Variants in NIBAN2 observed in about 807,000 individuals in gnomAD.
NIBAN2 encodes the protein niban apoptosis regulator 2.
A neutral mutation model predicts 81.8 loss-of-function variants in NIBAN2; 36 were observed. That is an observed-to-expected ratio of 0.44 (90% CI 0.34 to 0.58). The LOEUF (loss-of-function observed/expected upper bound fraction) is 0.58, where lower values mean the gene tolerates loss of function less well. NIBAN2 is among the 20% of genes least tolerant of loss of function. The pLI is 0.02. For synonymous variants in NIBAN2, 445 were observed against 441.6 expected (o/e 1.01, Z -0.10); for missense variants, 897 against 1,014.1 (o/e 0.88, Z 1.57).
At chr9:127,531,808 G>A (rs767262440) in intron 1 of NIBAN2, 30 bp from the exon 2 acceptor site, 1 of 1,613,590 alleles carries the variant, frequency 6.2e-7, no homozygotes, top group South Asian at 1.1e-5. Flanking sequence ...AGGAGCTTGA[G>A]GTCCTCAGGG....
intron 1 of NIBAN2, among the ~76,000 whole-genome samples, chr9:127,537,268 C>A (rs1423630237): frequency 6.6e-6 from 1 of 152,202 alleles, no homozygotes; most frequent in Non-Finnish European, 1.5e-5. Flanking sequence ...CGAAGCTGTT[C>A]CCGAGCTCTG....
chr9:127,578,964 A>G lies in NIBAN2; in HGVS notation c.-27T>C, dbSNP rs751729543. 6 of 1,606,668 alleles carry G rather than the reference A, an allele frequency of 3.7e-6. No individual in the cohort carries two copies. In the Admixed American group the frequency reaches 8.4e-5, roughly 23 times the overall value. On this transcript the variant is annotated 5_prime_UTR_variant, in exon 1 of 14. Coordinates refer to the NIBAN2 transcript ENST00000373314. Reference sequence around the variant, plus strand: ...CTCCAGAGTGAGAGCCCCAAAAGGAAGGGACCGGAACTGGCCCAGTTCCTG... The same window carrying G: ...CTCCAGAGTGAGAGCCCCAAAAGGAGGGGACCGGAACTGGCCCAGTTCCTG...
Position 127,544,784 on chromosome 9 carries a change from A to G in NIBAN2, c.56-13006T>C, listed in dbSNP as rs533202000. On this transcript the variant is annotated intron_variant, in intron 1 of 13. Coordinates refer to ENST00000373312, the MANE Select transcript of NIBAN2 (RefSeq NM_022833.4). ...CTCCCGAAGTGCTAGGATTACAGGCATGAGCCACCGCACCCGGCCATGGCT... is the reference window on the plus strand; with the variant it reads ...CTCCCGAAGTGCTAGGATTACAGGCGTGAGCCACCGCACCCGGCCATGGCT... Among the ~76,000 whole-genome samples the G allele has an allele frequency of 4.6e-5, 7 of 152,290 alleles. No individual in the cohort carries two copies. The South Asian group carries it at 1.5e-3, about 32-fold the overall frequency.
chr9:127,565,973 C>T (rs1429480836), intron 1 of NIBAN2, among the ~76,000 whole-genome samples: 6 of 150,576 alleles, frequency 4.0e-5, no homozygotes, highest in African/African-American at 1.5e-4. Context: ...CACACACACA[C>T]ACACACAAAT....
chr9:127,555,152 T>C (rs1004639389), intron 1 of NIBAN2, among the ~76,000 whole-genome samples: 20 of 152,198 alleles, frequency 1.3e-4, no homozygotes, highest in African/African-American at 4.1e-4. Flanking sequence ...TGTTAATACA[T>C]TGTTTCCATT....
At position 127,507,818 on chromosome 9, in the gene NIBAN2, G is replaced by T; in HGVS notation, c.1654+49C>A. Reference sequence around the variant, plus strand: ...TCAGCTGCCACCACTTCTCAGCTGCGCCCCCAGCATCCTCCTGGCAACAGT... The same window carrying T: ...TCAGCTGCCACCACTTCTCAGCTGCTCCCCCAGCATCCTCCTGGCAACAGT... On this transcript the variant is annotated intron_variant, in intron 13 of 13. Transcript: ENST00000373312. The surrounding 1 kb of genome is among the most constrained non-coding windows in gnomAD (Gnocchi z 6.8). 1.3e-6 allele frequency: 2 copies of T among 1,538,114 alleles called. No homozygotes were observed. The highest frequency in any genetic ancestry group is 1.8e-6 in the Non-Finnish European group (2 of 1,111,754).
At chr9:127,511,069 G>C (rs1836728430) in intron 8 of NIBAN2, among the ~76,000 whole-genome samples, 1 of 152,044 alleles carries the variant, frequency 6.6e-6, no homozygotes, top group Middle Eastern at 3.2e-3. Context: ...TTTTGAGACA[G>C]AGTCTCGTGC....
At chr9:127,511,484 C>T (rs1836735254) in intron 8 of NIBAN2, among the ~76,000 whole-genome samples, 3 of 151,566 alleles carry the variant, frequency 2.0e-5, no homozygotes, top group Non-Finnish European at 2.9e-5. Context: ...AGGCATGAGC[C>T]ACCGTACCTG....
rs1354057852 is a variant in NIBAN2, at chr9:127,517,991, C to A, written c.590-50G>T. The A allele has an allele frequency of 7.7e-7, 1 of 1,298,532 alleles. No individual in the cohort carries two copies. Among genetic ancestry groups the A allele is most frequent in the Non-Finnish European group, 1.1e-6 (1 of 933,866 alleles). The allele number at this position is 1,298,532 out of a possible 1,614,324, so 80.4% of individuals were successfully genotyped here. A position where few individuals can be genotyped will look rare whatever the true frequency, so the allele number is the denominator to read the frequency against. Reference sequence around the variant, plus strand: ...GGAGGTCAGCAGATGGCCCAGTGGCCTCTACCAAGACCAACTGAGAACTGA... The same window carrying A: ...GGAGGTCAGCAGATGGCCCAGTGGCATCTACCAAGACCAACTGAGAACTGA... On this transcript the variant is annotated intron_variant, in intron 5 of 13. Transcript: ENST00000373312. The surrounding 1 kb of genome is among the most constrained non-coding windows in gnomAD (Gnocchi z 4.0).
At chr9:127,513,374 G>C (rs920105895) in intron 8 of NIBAN2, among the ~76,000 whole-genome samples, 1 of 152,172 alleles carries the variant, frequency 6.6e-6, no homozygotes, top group African/African-American at 2.4e-5. Context: ...TTGAATCAGA[G>C]CAACTGTATC....
In NIBAN2 at chr9:127,508,031, G is replaced by A; in HGVS notation, c.1543-53C>T. Reference sequence around the variant, plus strand: ...AGGTCAGGGCCAAGGGTAGAGGGAGGCCTGTGGGCTCCATCCCCCAACTTA... The same window carrying A: ...AGGTCAGGGCCAAGGGTAGAGGGAGACCTGTGGGCTCCATCCCCCAACTTA... On this transcript the variant is annotated intron_variant, in intron 12 of 13. Transcript: ENST00000373312. This position sits in a 1 kb window ranked among gnomAD's most constrained non-coding sequence, Gnocchi z 6.4. 6.2e-7 allele frequency: 1 copy of A among 1,605,630 alleles called. No homozygotes were observed. The highest frequency in any genetic ancestry group is 1.1e-5 in the South Asian group (1 of 90,942).
At position 127,508,242 on chromosome 9, in the gene NIBAN2, C is replaced by T. The variant is rs370444603; in HGVS notation, c.1435-42G>A. 2.0e-6 allele frequency: 3 copies of T among 1,517,744 alleles called. No homozygotes were observed. Among genetic ancestry groups the T allele is most frequent in the African/African-American group, 1.4e-5 (1 of 73,000 alleles). 94.0% of individuals were successfully genotyped at this position (1,517,744 alleles called of 1,614,324 possible). ...GGTCGGGGGTCTGCAGGTCAGTGGG[C>T]TCCATTGGCCCTGAGGGTAGGACGA... On this transcript the variant is annotated intron_variant, in intron 11 of 13. Coordinates refer to ENST00000373312, the MANE Select transcript of NIBAN2 (RefSeq NM_022833.4). The surrounding 1 kb of genome is among the most constrained non-coding windows in gnomAD (Gnocchi z 6.4).
Position 127,531,513 on chromosome 9 carries a change from AAAG to A in NIBAN2, c.186+132_186+134del, listed in dbSNP as rs1359645622. On this transcript the variant is annotated intron_variant, in intron 2 of 13. Transcript: ENST00000373312. ...AAGAAAAAAATAATTAATTTTAAAA[AAAG>A]AAGCTGGGGAGACCCTTAGAGGCCA... 6.6e-5 allele frequency: 47 copies of A among 712,224 alleles called. 1 individual carries two copies. Among genetic ancestry groups the A allele is most frequent in the Admixed American group, 3.0e-4 (11 of 36,134 alleles). 44.1% of individuals were successfully genotyped at this position (712,224 alleles called of 1,614,324 possible). A position where few individuals can be genotyped will look rare whatever the true frequency, so the allele number is the denominator to read the frequency against.
At chr9:127,576,168 G>A (rs956293617) in intron 1 of NIBAN2, among the ~76,000 whole-genome samples, 2 of 152,172 alleles carry the variant, frequency 1.3e-5, no homozygotes, top group Admixed American at 6.5e-5. Flanking sequence ...CCTGGGCACT[G>A]GAGGGGAACG....
intron 8 of NIBAN2, among the ~76,000 whole-genome samples, chr9:127,513,581 C>T (rs57344283): frequency 1.2e-3 from 176 of 152,260 alleles, no homozygotes; most frequent in African/African-American, 4.0e-3. Context: ...TGACCTCGGT[C>T]GTCCTCACTG....
At chr9:127,537,463 C>T (rs1039086679) in intron 1 of NIBAN2, among the ~76,000 whole-genome samples, 2 of 152,142 alleles carry the variant, frequency 1.3e-5, no homozygotes, top group Non-Finnish European at 2.9e-5. Flanking sequence ...AGAACCGGGA[C>T]AAGAATCACA....
At chr9:127,570,114 C>T (rs139218136), upstream of NIBAN2, among the ~76,000 whole-genome samples, 263 of 152,240 alleles carry the variant, frequency 1.7e-3, 3 homozygotes, top group Admixed American at 3.5e-3. Context: ...CTTGTTGACC[C>T]CTGGTAACTA....
intron 1 of NIBAN2, among the ~76,000 whole-genome samples, chr9:127,540,834 A>C (rs1837364769): frequency 6.6e-6 from 1 of 152,234 alleles, no homozygotes. Flanking sequence ...TTCCTGGCTC[A>C]TCCGGTCTCT....
At chr9:127,551,536 T>TA (rs200469899) in intron 1 of NIBAN2, among the ~76,000 whole-genome samples, 5 of 143,152 alleles carry the variant, frequency 3.5e-5, no homozygotes, top group Non-Finnish European at 6.1e-5. Flanking sequence ...AATAAATAAA[T>TA]AAAAATATAA....
Sources: gnomAD v4.1 joint callset for allele counts (sites outside exome capture counted in the v4.1 genomes callset) on GRCh38, gnomAD v4.1.1 for gene constraint, Gnocchi (gnomAD v3.1) non-coding constraint, MANE v1.5 for transcripts, NCBI Gene and HGNC (gene_info 2026-07-23, HGNC 2026-07-21) for gene names.